C3orf33: variants seen among roughly 807,000 people sequenced by gnomAD.
C3orf33 encodes the protein mitochondrial inner membrane subdomain organizer 1, also known as AP-1 activity suppressor.
In C3orf33, 23 loss-of-function variants were observed where a neutral mutation model predicts 28.7. The ratio of observed to expected loss-of-function variants is 0.80; its 90% confidence interval spans 0.58 to 1.13. C3orf33 has a LOEUF of 1.13. Among genes scored for constraint, C3orf33 ranks in the 50% most tolerant of loss-of-function variants. The pLI, the probability that C3orf33 is intolerant of heterozygous loss-of-function variation, is 0.00. For synonymous variants in C3orf33, 119 were observed against 120.5 expected, an observed-to-expected ratio of 0.99 and a Z score of 0.08; for missense variants, 327 against 353.4, an observed-to-expected ratio of 0.93 and a Z score of 0.60.
intron 3 of C3orf33, among the ~76,000 whole-genome samples, chr3:155,772,825 T>C (rs1750632343): frequency 6.9e-6 from 1 of 144,688 alleles, no homozygotes. Flanking sequence ...TCCTCATTCA[T>C]ACATACCAAA....
intron 1 of C3orf33, among the ~76,000 whole-genome samples, chr3:155,803,580 A>AG (rs1373099027): frequency 3.5e-5 from 5 of 144,000 alleles, no homozygotes; most frequent in Admixed American, 7.0e-5. Flanking sequence ...AAAAAAAAAA[A>AG]AAAAAGAAAT....
intron 2 of C3orf33, among the ~76,000 whole-genome samples, chr3:155,787,653 T>C (rs529127828): frequency 5.6e-4 from 84 of 150,222 alleles, no homozygotes; most frequent in African/African-American, 2.0e-3. Context: ...TGCCCAGCCG[T>C]ATGCCCAGCT....
At chr3:155,780,992 CTTT>C (rs746458091) in intron 2 of C3orf33, among the ~76,000 whole-genome samples, 5 of 141,108 alleles carry the variant, frequency 3.5e-5, no homozygotes, top group Non-Finnish European at 3.1e-5. Context: ...CTCTAGACTT[CTTT>C]TTTTTTTTTT....
At chr3:155,770,950 A>G (rs1750562083) in intron 3 of C3orf33, among the ~76,000 whole-genome samples, 1 of 132,832 alleles carries the variant, frequency 7.5e-6, no homozygotes, top group Admixed American at 7.8e-5. Context: ...CTGGGATTAC[A>G]GGCATGAACC....
At chr3:155,773,697 T>C (rs1750655663) in intron 3 of C3orf33, among the ~76,000 whole-genome samples, 2 of 152,212 alleles carry the variant, frequency 1.3e-5, no homozygotes, top group South Asian at 4.1e-4. Context: ...GAGGCAGATT[T>C]CTATGGAATA....
intron 3 of C3orf33, among the ~76,000 whole-genome samples, chr3:155,773,532 A>G (rs1750651818): frequency 6.6e-6 from 1 of 152,218 alleles, no homozygotes; most frequent in Admixed American, 6.5e-5. Flanking sequence ...ACTGGAGGAG[A>G]AAAGTGGGAA....
chr3:155,801,862 T>A (rs906755374), intron 2 of C3orf33, among the ~76,000 whole-genome samples: 1 of 152,172 alleles, frequency 6.6e-6, no homozygotes, highest in Admixed American at 6.6e-5. Context: ...GTGATTCTCG[T>A]GCCTCAGCCT....
At chr3:155,790,279 C>T (rs967011880) in intron 2 of C3orf33, among the ~76,000 whole-genome samples, 2 of 123,406 alleles carry the variant, frequency 1.6e-5, no homozygotes, top group Admixed American at 8.1e-5. Context: ...AAAAAATTAA[C>T]TTGATAGAGC....
At chr3:155,797,795 G>A (rs1751522278) in intron 2 of C3orf33, among the ~76,000 whole-genome samples, 1 of 152,202 alleles carries the variant, frequency 6.6e-6, no homozygotes, top group African/African-American at 2.4e-5. Flanking sequence ...CACTGGCTGG[G>A]CACAGTGGCT....
At chr3:155,771,980 G>A (rs914978826) in intron 3 of C3orf33, among the ~76,000 whole-genome samples, 11 of 152,028 alleles carry the variant, frequency 7.2e-5, no homozygotes, top group African/African-American at 2.2e-4. Context: ...GAGGTGGGCC[G>A]ATGTCTTAAA....
intron 2 of C3orf33, among the ~76,000 whole-genome samples, chr3:155,786,376 T>TA (rs936602854): frequency 2.6e-5 from 4 of 151,694 alleles, no homozygotes; most frequent in Non-Finnish European, 4.4e-5. Flanking sequence ...CTAAATGGAC[T>TA]AAAAAAAGAG....
At chr3:155,796,275 G>A (rs1391326196) in intron 2 of C3orf33, among the ~76,000 whole-genome samples, 1 of 152,024 alleles carries the variant, frequency 6.6e-6, no homozygotes, top group Non-Finnish European at 1.5e-5. Flanking sequence ...GAAAAGAAGA[G>A]AGGAGACTCA....
At chr3:155,804,378 A>G (rs934514251) in intron 1 of C3orf33, among the ~76,000 whole-genome samples, 1 of 152,216 alleles carries the variant, frequency 6.6e-6, no homozygotes, top group Non-Finnish European at 1.5e-5. Context: ...TTCACCAATT[A>G]ACACATATAT....
intron 3 of C3orf33, among the ~76,000 whole-genome samples, chr3:155,770,021 C>G (rs1750533546): frequency 6.6e-6 from 1 of 152,150 alleles, no homozygotes; most frequent in Admixed American, 6.5e-5. Flanking sequence ...TCAGCGTGCA[C>G]TCACCCATTC....
rs1750298174 is a variant in C3orf33 at position 155,763,502 on chromosome 3, G to A, written c.*15C>T. The A allele has an allele frequency of 6.8e-7, 1 of 1,462,318 alleles. No homozygotes were observed. The highest frequency in any genetic ancestry group is 9.0e-7 in the Non-Finnish European group (1 of 1,110,616). The allele number at this position is 1,462,318 out of a possible 1,614,324, so 90.6% of individuals were successfully genotyped here. ...CACTCTTTGGAGAAGGTTACCTCTAGATTTCTTGACCGTTTCACCCTTTTC... is the reference window on the plus strand; with the variant it reads ...CACTCTTTGGAGAAGGTTACCTCTAAATTTCTTGACCGTTTCACCCTTTTC... On this transcript the variant is annotated 3_prime_UTR_variant, in exon 5 of 5. Transcript: ENST00000340171.
At chr3:155,793,199 T>C (rs576744734) in intron 2 of C3orf33, among the ~76,000 whole-genome samples, 41 of 132,284 alleles carry the variant, frequency 3.1e-4, no homozygotes, top group Non-Finnish European at 6.2e-4. Flanking sequence ...GAAAAGAAAA[T>C]ATATATGTGG....
chr3:155,788,757 T>A (rs550690139), intron 2 of C3orf33, among the ~76,000 whole-genome samples: 159 of 151,650 alleles, frequency 1.0e-3, no homozygotes, highest in Middle Eastern at 3.4e-3. Flanking sequence ...TCCTCTAAGA[T>A]CAGGAACAAG....
In C3orf33 at chr3:155,767,510, T is replaced by A; in HGVS notation, c.482A>T (p.Lys161Met). The A allele has an allele frequency of 6.5e-7, 1 of 1,545,276 alleles. No homozygotes were observed. The highest frequency in any genetic ancestry group is 8.8e-7 in the Non-Finnish European group (1 of 1,138,264). The change falls in exon 4 of 5, where the codon AAG becomes ATG. Residue 161 changes from lysine to methionine, a missense_variant and splice_region_variant. Coordinates refer to ENST00000340171, the MANE Select transcript of C3orf33 (RefSeq NM_001308229.2). ...TAGTTATTTCTTCACATTGCTTACC[T>A]TACTCACCAGAAGATAGCAAAAGAG... ...SALFCYLLVS[K>M]GGYFSVNLNE...
intron 2 of C3orf33, among the ~76,000 whole-genome samples, chr3:155,780,256 C>G (rs764140868): frequency 7.2e-5 from 11 of 152,040 alleles, no homozygotes; most frequent in African/African-American, 2.7e-4. Context: ...AAGCTTCAGA[C>G]GGTGAAGAAG....
Sources: gnomAD v4.1 joint callset for allele counts (sites outside exome capture counted in the v4.1 genomes callset) on GRCh38, gnomAD v4.1.1 for gene constraint, MANE v1.5 for transcripts, NCBI Gene and HGNC (gene_info 2026-07-23, HGNC 2026-07-21) for gene names.